Variants in KRT71 observed in about 807,000 individuals in gnomAD.
KRT71 encodes the protein keratin 71.
A neutral mutation model predicts 46.2 loss-of-function variants in KRT71; 42 were observed. The observed-to-expected ratio is 0.91, with a 90% CI of 0.71 to 1.18. KRT71 has a LOEUF of 1.18. Among genes scored for constraint, KRT71 ranks in the 50% most tolerant of loss-of-function variants. The pLI is 0.00. For missense variants in KRT71, 708 were observed against 677.9 expected, an observed-to-expected ratio of 1.04 and a Z score of -0.49; for synonymous variants, 292 against 277.8, an observed-to-expected ratio of 1.05 and a Z score of -0.51.
intron 6 of KRT71, 94 bp from the exon 7 acceptor site, chr12:52,546,600 G>T: frequency 8.1e-7 from 1 of 1,240,814 alleles, no homozygotes; most frequent in Non-Finnish European, 1.1e-6. Context: ...GGGCAGAGTG[G>T]CCCGCCTCCA....
Position 52,552,740 on chromosome 12 carries a change from G to A in KRT71, c.338C>T (p.Ala113Val), listed in dbSNP as rs1292267951. 3.1e-6 allele frequency: 5 copies of A among 1,614,148 alleles called. No individual in the cohort carries two copies. Among genetic ancestry groups the A allele is most frequent in the South Asian group, 1.1e-5 (1 of 91,084 alleles). Residue 113 changes from alanine to valine, a missense_variant, in exon 1 of 9, where the codon GCC (alanine) becomes GTC (valine). Ala to Val is a moderately conservative substitution (Grantham distance 64, BLOSUM62 0). Transcript: ENST00000267119. ...HQVTVNESLL[A>V]PLNVELDPEI... ...GGGGTCCAGCTCCACGTTGAGGGGG[G>A]CCAGGAGGCTCTCATTGACGGTAAC...
In KRT71 at chr12:52,550,385, G is replaced by T. The variant is rs1460606198; in HGVS notation, c.442-142C>A. Reference sequence around the variant, plus strand: ...TGGGCAAATCATTACCCTCTGCTATGGAGAGAAAACTGAGACACAGAGCAA... The same window carrying T: ...TGGGCAAATCATTACCCTCTGCTATTGAGAGAAAACTGAGACACAGAGCAA... On this transcript the variant is annotated intron_variant, in intron 1 of 8. Coordinates refer to ENST00000267119, the MANE Select transcript of KRT71 (RefSeq NM_033448.3). 2.8e-6 allele frequency: 3 copies of T among 1,077,482 alleles called. No homozygotes were observed. The African/African-American group carries it at 4.8e-5, about 17-fold the overall frequency. 66.7% of individuals were successfully genotyped at this position (1,077,482 alleles called of 1,614,324 possible). A position where few individuals can be genotyped will look rare whatever the true frequency, so the allele number is the denominator to read the frequency against.
Position 52,544,518 on chromosome 12 carries a change from C to G in KRT71, c.*14G>C, listed in dbSNP as rs751415784. The G allele has an allele frequency of 1.1e-5, 17 of 1,610,890 alleles. No homozygotes were observed. Among genetic ancestry groups the G allele is most frequent in the Non-Finnish European group, 1.4e-5 (16 of 1,177,254 alleles). On this transcript the variant is annotated 3_prime_UTR_variant, in exon 9 of 9. Transcript: ENST00000267119. Reference sequence around the variant, plus strand: ...CCGGGTCATGGAATGAGGCGGGGCCCGGGGCAGTCTTCTCTACCGACTGGT... The same window carrying G: ...CCGGGTCATGGAATGAGGCGGGGCCGGGGGCAGTCTTCTCTACCGACTGGT...
intron 8 of KRT71, 82 bp from the exon 9 acceptor site, chr12:52,544,825 C>G: frequency 8.2e-7 from 1 of 1,221,398 alleles, no homozygotes; most frequent in Non-Finnish European, 1.2e-6. Context: ...CAGGGCTTTT[C>G]TTGGAGAAGC....
At chr12:52,550,347 G>C in intron 1 of KRT71, 104 bp from the exon 2 acceptor site, 2 of 1,353,620 alleles carry the variant, frequency 1.5e-6, no homozygotes, top group Non-Finnish European at 1.0e-6. Context: ...CTCCTCAATA[G>C]AGCTGAAAGA....
At position 52,544,696 on chromosome 12, in the gene KRT71, T is replaced by C. The variant is rs761342173; in HGVS notation, c.1408A>G (p.Ser470Gly). The C allele has an allele frequency of 1.5e-5, 24 of 1,613,068 alleles. No individual in the cohort carries two copies. Among genetic ancestry groups the C allele is most frequent in the Non-Finnish European group, 1.9e-5 (23 of 1,179,872 alleles). Residue 470 changes from serine to glycine, a missense_variant, in exon 9 of 9, where the codon AGC becomes GGC. Transcript: ENST00000267119. ...SGGSVYGFRP[S>G]MVSGGYVANS... ...GCCACATAGCCACCGCTGACCATGC[T>C]GGGCCGGAAGCCATAGACACTGCCG... is the stretch of plus-strand genomic sequence containing the variant.
Position 52,550,259 on chromosome 12 carries a change from C to T in KRT71, c.442-16G>A. 1 of 1,613,852 alleles carries T rather than the reference C, an allele frequency of 6.2e-7. No homozygotes were observed. Among genetic ancestry groups the T allele is most frequent in the Non-Finnish European group, 8.5e-7 (1 of 1,179,994 alleles). On this transcript the variant is annotated splice_polypyrimidine_tract_variant and intron_variant, in intron 1 of 8. Transcript: ENST00000267119. ...GGAACCGCACCTGGAACCCAGATCCCAGAAACTGCTGAACCCTTGCAGTAA... is the reference window on the plus strand; with the variant it reads ...GGAACCGCACCTGGAACCCAGATCCTAGAAACTGCTGAACCCTTGCAGTAA...
intron 2 of KRT71, 32 bp from the exon 3 acceptor site, chr12:52,549,385 A>C (rs1168088203): frequency 6.3e-7 from 1 of 1,577,060 alleles, no homozygotes; most frequent in Non-Finnish European, 8.7e-7. Context: ...ATTGGTTAAT[A>C]TCTCACTGAA....
intron 3 of KRT71, 105 bp downstream of exon 3, chr12:52,549,188 C>T (rs1565602011): frequency 1.2e-6 from 1 of 868,974 alleles, no homozygotes; most frequent in Non-Finnish European, 2.0e-6. Flanking sequence ...CCTTGCTCTT[C>T]CTGAATCAGT....
rs895255084 is a variant in KRT71 at position 52,544,180 on chromosome 12, G to A, written c.*352C>T. 16 of 343,948 alleles carry A rather than the reference G, an allele frequency of 4.7e-5. No individual in the cohort carries two copies. Among genetic ancestry groups the A allele is most frequent in the African/African-American group, 2.7e-4 (13 of 48,444 alleles). The allele number at this position is 343,948 out of a possible 1,614,324, so 21.3% of individuals were successfully genotyped here. A position where few individuals can be genotyped will look rare whatever the true frequency, so the allele number is the denominator to read the frequency against. On this transcript the variant is annotated 3_prime_UTR_variant, in exon 9 of 9. Transcript: ENST00000267119. ...AACTATGCTAGGTCCCAGTGTGTGC[G>A]GGGCCTTGGGCAGAGACCCAGGGAG...
rs758840613 is a variant in KRT71 at position 52,550,119 on chromosome 12, C to T, written c.566G>A (p.Arg189Gln). 2.4e-5 allele frequency: 38 copies of T among 1,614,020 alleles called. No homozygotes were observed. Among genetic ancestry groups the T allele is most frequent in the South Asian group, 3.3e-5 (3 of 91,072 alleles). Reference sequence around the variant, plus strand: ...CCCAGACAGCGTCTCCAGCTGCTTCCGCAGGTTGCTGATGTAGCCCTCGAG... The same window carrying T: ...CCCAGACAGCGTCTCCAGCTGCTTCTGCAGGTTGCTGATGTAGCCCTCGAG... ...PILEGYISNL[R>Q]KQLETLSGDR... is the part of the protein sequence containing the mutation. The change falls in exon 2 of 9, where the codon CGG becomes CAG. Residue 189 changes from arginine (R) to glutamine (Q), a missense_variant. Transcript: ENST00000267119.
chr12:52,544,038 G>A lies in KRT71; in HGVS notation c.*494C>T, dbSNP rs1939011571. On this transcript the variant is annotated 3_prime_UTR_variant, in exon 9 of 9. Coordinates refer to ENST00000267119, the MANE Select transcript of KRT71 (RefSeq NM_033448.3). ...AGAAAAAGGCCCTGAATTGCACTTGGTCCCACTCAGATTTGAGACTGAGCT... is the reference window on the plus strand; with the variant it reads ...AGAAAAAGGCCCTGAATTGCACTTGATCCCACTCAGATTTGAGACTGAGCT... The A allele has an allele frequency of 6.1e-6, 1 of 165,252 alleles. No individual in the cohort carries two copies. The highest frequency in any genetic ancestry group is 1.3e-5 in the Non-Finnish European group (1 of 75,012). 10.2% of individuals were successfully genotyped at this position (165,252 alleles called of 1,614,324 possible). A position where few individuals can be genotyped will look rare whatever the true frequency, so the allele number is the denominator to read the frequency against.
chr12:52,548,925 C>T, intron 3 of KRT71, 129 bp from the exon 4 acceptor site: 1 of 781,578 alleles, frequency 1.3e-6, no homozygotes. Context: ...GGAAAGGAGA[C>T]AAAGGAGCAA....
rs1197678957 is a variant in KRT71, at chr12:52,545,610, G to C, written c.1326-11C>G. ...AATTCTCCTGACATCCTATTAAGGA[G>C]AGAAATAAAATAAGAGGAGAAGAGA... On this transcript the variant is annotated splice_polypyrimidine_tract_variant and intron_variant, in intron 7 of 8. Coordinates refer to ENST00000267119, the MANE Select transcript of KRT71 (RefSeq NM_033448.3). 6 of 1,483,166 alleles carry C rather than the reference G, an allele frequency of 4.0e-6. No individual in the cohort carries two copies. Among genetic ancestry groups the C allele is most frequent in the Non-Finnish European group, 5.6e-6 (6 of 1,069,624 alleles). 91.9% of individuals were successfully genotyped at this position (1,483,166 alleles called of 1,614,324 possible). A position where few individuals can be genotyped will look rare whatever the true frequency, so the allele number is the denominator to read the frequency against.
At position 52,544,595 on chromosome 12, in the gene KRT71, A is replaced by G; in HGVS notation, c.1509T>C (p.Asp503=). 2 of 1,613,972 alleles carry G rather than the reference A, an allele frequency of 1.2e-6. No individual in the cohort carries two copies. Among genetic ancestry groups the G allele is most frequent in the East Asian group, 2.2e-5 (1 of 44,864 alleles). The change falls in exon 9 of 9, where the codon GAT becomes GAC. Residue 503 remains aspartate, a synonymous_variant. Transcript: ENST00000267119. The stretch of plus-strand genomic sequence containing the variant: ...AACCCTTCCCTAGGGTGTCTTTGTA[A>G]TCGTTGGCACTGCCCCGGCTCCTGC... The part of the protein sequence containing the change: ...GEGRSRGSAN[D]YKDTLGKGSS...
rs1178392345 is a variant in KRT71 at position 52,544,416 on chromosome 12, G to C, written c.*116C>G. 1.0e-6 allele frequency: 1 copy of C among 972,658 alleles called. No individual in the cohort carries two copies. The highest frequency in any genetic ancestry group is 1.6e-6 in the Non-Finnish European group (1 of 615,076). 60.3% of individuals were successfully genotyped at this position (972,658 alleles called of 1,614,324 possible). Reference sequence around the variant, plus strand: ...AAGTGGGTGGCCAAGGCCAGTGCCAGGTGTATGGGAGCAGGACCAGCAGGG... The same window carrying C: ...AAGTGGGTGGCCAAGGCCAGTGCCACGTGTATGGGAGCAGGACCAGCAGGG... On this transcript the variant is annotated 3_prime_UTR_variant, in exon 9 of 9. Transcript: ENST00000267119.
intron 1 of KRT71, among the ~76,000 whole-genome samples, chr12:52,550,708 A>G (rs1200229377): frequency 1.3e-5 from 2 of 152,218 alleles, no homozygotes; most frequent in Non-Finnish European, 2.9e-5. Context: ...CACCAGCTTC[A>G]TCTTTGCTTA....
chr12:52,546,704 T>C (rs1057265725), intron 6 of KRT71, among the ~76,000 whole-genome samples, 198 bp from the exon 7 acceptor site: 8 of 152,236 alleles, frequency 5.3e-5, no homozygotes, highest in Middle Eastern at 3.2e-3. Flanking sequence ...GTGTTGGATG[T>C]GTGGGTGATG....
At position 52,552,974 on chromosome 12, in the gene KRT71, C is replaced by G. The variant is rs756606538; in HGVS notation, c.104G>C (p.Gly35Ala). The G allele has an allele frequency of 6.2e-7, 1 of 1,614,070 alleles. No homozygotes were observed. Among genetic ancestry groups the G allele is most frequent in the Non-Finnish European group, 8.5e-7 (1 of 1,180,044 alleles). ...SGGSSSSFRAGSKGLSGGFGS... is the reference protein window; with the variant it reads ...SGGSSSSFRAASKGLSGGFGS... ...AAAGCCCCCACTGAGCCCTTTGCTC[C>G]CTGCCCGGAAGGAGGATGAGCTGCC... The change falls in exon 1 of 9, where the codon GGG becomes GCG. Residue 35 changes from glycine (G) to alanine (A), a missense_variant. Gly to Ala is a moderately conservative substitution (Grantham distance 60). Transcript: ENST00000267119.
Sources: allele counts gnomAD v4.1 joint callset (sites outside exome capture counted in the v4.1 genomes callset), GRCh38; gene constraint gnomAD v4.1.1; transcripts MANE v1.5; gene names NCBI Gene and HGNC (gene_info 2026-07-23, HGNC 2026-07-21).